UNC79: variants seen among roughly 807,000 people sequenced by gnomAD.
UNC79 encodes protein unc-79 homolog.
In UNC79, 37 loss-of-function variants were observed where a neutral mutation model predicts 283.1. The ratio of observed to expected loss-of-function variants is 0.13; its 90% CI spans 0.10 to 0.17. The LOEUF is 0.17. Among genes scored for constraint, UNC79 ranks in the 10% least tolerant of loss-of-function variants. The pLI is 1.00. For missense variants in UNC79, 2,272 were observed against 3,211.1 expected (o/e 0.71, Z 7.07); for synonymous variants, 1,107 against 1,200.2 (o/e 0.92, Z 1.61).
In UNC79 at chr14:93,655,130, G is replaced by A. The variant is rs960581672; in HGVS notation, c.6283-104G>A. The A allele has an allele frequency of 1.2e-5, 16 of 1,347,178 alleles. No individual in the cohort carries two copies. The African/African-American group carries it at 1.3e-4, about 11-fold the overall frequency. The allele number at this position is 1,347,178 out of a possible 1,614,324, so 83.5% of individuals were successfully genotyped here. ...GGCCTATGTAGTAGGCACTGAACAC[G>A]TTTATAGCCTGAAGATGTGACTTTT... On this transcript the variant is annotated intron_variant, in intron 37 of 48. Coordinates refer to ENST00000555664, the Ensembl canonical transcript of UNC79.
At chr14:93,526,013 A>G (rs555558538) in intron 8 of UNC79, among the ~76,000 whole-genome samples, 1 of 152,352 alleles carries the variant, frequency 6.6e-6, no homozygotes, top group African/African-American at 2.4e-5. Flanking sequence ...CAAAATTCAC[A>G]TAATGAACAA....
intron 1 of UNC79, among the ~76,000 whole-genome samples, chr14:93,401,450 A>G (rs1157448685): frequency 6.6e-6 from 1 of 152,202 alleles, no homozygotes; most frequent in Non-Finnish European, 1.5e-5. Context: ...CAGAAACTGA[A>G]CAGAAATGCA....
chr14:93,473,724 A>G (rs1448456762), intron 2 of UNC79, among the ~76,000 whole-genome samples: 1 of 152,234 alleles, frequency 6.6e-6, no homozygotes, highest in Non-Finnish European at 1.5e-5. Context: ...ATTAGGAATA[A>G]GAGCCCTTAC....
At chr14:93,651,987 C>T (rs1228554968) in intron 35 of UNC79, among the ~76,000 whole-genome samples, 2 of 145,944 alleles carry the variant, frequency 1.4e-5, no homozygotes, top group African/African-American at 5.1e-5. Flanking sequence ...GTCTGGAACT[C>T]CTGACCTCAG....
chr14:93,355,066 T>C (rs2054057652), intron 1 of UNC79, among the ~76,000 whole-genome samples: 1 of 151,828 alleles, frequency 6.6e-6, no homozygotes, highest in Admixed American at 6.6e-5. Context: ...TTCGCTCTTA[T>C]CACCCAGGCT....
rs2054622861 is a variant in UNC79 at position 93,379,501 on chromosome 14, A to G, written c.-351+45978A>G. On this transcript the variant is annotated intron_variant, in intron 1 of 49. Transcript: ENST00000256339. ...ATCACCTTACATCCTGCAGACATTT[A>G]TCATACACCTCGTTTGGTATATTTC... 5.3e-5 allele frequency among the ~76,000 whole-genome samples: 8 copies of G among 152,184 alleles called. No homozygotes were observed. In the South Asian group the frequency reaches 1.7e-3, roughly 32 times the overall value.
chr14:93,496,689 T>G (rs111625038), intron 6 of UNC79, among the ~76,000 whole-genome samples: 119 of 152,340 alleles, frequency 7.8e-4, no homozygotes, highest in African/African-American at 2.8e-3. Flanking sequence ...AGTAATTGAA[T>G]GTATCTTATT....
intron 41 of UNC79, among the ~76,000 whole-genome samples, chr14:93,676,266 C>T (rs1042864313): frequency 1.3e-5 from 2 of 152,092 alleles, no homozygotes; most frequent in Admixed American, 6.6e-5. Flanking sequence ...GGCCATGTTG[C>T]GCAGGCTGGT....
intron 26 of UNC79, chr14:93,604,918 G>A (rs1374983839): frequency 6.3e-7 from 1 of 1,586,778 alleles, no homozygotes; most frequent in African/African-American, 1.3e-5. Context: ...CCAGGCATGA[G>A]CAGTCTGCTC....
chr14:93,394,952 A>G (rs2054965441), intron 1 of UNC79, among the ~76,000 whole-genome samples: 1 of 152,040 alleles, frequency 6.6e-6, no homozygotes. Context: ...GCCTCAAGCA[A>G]CCCTTCTGTC....
At chr14:93,424,038 T>G (rs2055668662) in intron 1 of UNC79, among the ~76,000 whole-genome samples, 1 of 152,090 alleles carries the variant, frequency 6.6e-6, no homozygotes, top group Non-Finnish European at 1.5e-5. Context: ...ATAATCCAAT[T>G]CAAAAGTGGG....
chr14:93,622,016 T>G (rs753254551), exon 30 of UNC79: 1 of 1,614,056 alleles, frequency 6.2e-7, no homozygotes, highest in South Asian at 1.1e-5. Flanking sequence ...GAAAGTTGAC[T>G]CGCCGGTAAA....
At chr14:93,351,418 A>G (rs2053978230) in intron 1 of UNC79, among the ~76,000 whole-genome samples, 1 of 152,166 alleles carries the variant, frequency 6.6e-6, no homozygotes. Context: ...GAAATAAAAA[A>G]TAAATAAATA....
At chr14:93,643,654 C>T in exon 34 of UNC79, 1 of 1,613,174 alleles carries the variant, frequency 6.2e-7, no homozygotes, top group Non-Finnish European at 8.5e-7. Flanking sequence ...AAGCCCAGAC[C>T]TGGCAGCCCC....
At chr14:93,634,304 AT>A (rs2068315933) in intron 31 of UNC79, among the ~76,000 whole-genome samples, 1 of 152,246 alleles carries the variant, frequency 6.6e-6, no homozygotes, top group African/African-American at 2.4e-5. Context: ...CAGGCGACAA[AT>A]CAGTGCTAAT....
chr14:93,512,662 C>T (rs994377189), intron 7 of UNC79, among the ~76,000 whole-genome samples: 4 of 152,108 alleles, frequency 2.6e-5, no homozygotes, highest in African/African-American at 9.7e-5. Context: ...AAAGTCCAGT[C>T]AATGAGTTAG....
chr14:93,580,065 A>G, intron 18 of UNC79, 84 bp from the exon 19 acceptor site: 1 of 1,215,788 alleles, frequency 8.2e-7, no homozygotes, highest in South Asian at 1.5e-5. Flanking sequence ...GTGCCAATGG[A>G]ATATTGGACA....
chr14:93,514,716 C>T (rs994342758), intron 7 of UNC79, among the ~76,000 whole-genome samples: 4 of 152,144 alleles, frequency 2.6e-5, no homozygotes, highest in African/African-American at 7.2e-5. Flanking sequence ...CCACCAAAAA[C>T]GCTGATTTCT....
chr14:93,457,127 C>T (rs1003708264), intron 1 of UNC79, among the ~76,000 whole-genome samples: 4 of 152,210 alleles, frequency 2.6e-5, no homozygotes, highest in African/African-American at 9.7e-5. Context: ...TAAACTGCTC[C>T]ATTGTACCAA....
Sources: allele counts gnomAD v4.1 joint callset (sites outside exome capture counted in the v4.1 genomes callset), GRCh38; gene constraint gnomAD v4.1.1; transcripts MANE v1.5; gene names NCBI Gene and HGNC (gene_info 2026-07-23, HGNC 2026-07-21).